Variants in BCAS3 observed in about 807,000 individuals in gnomAD.
BCAS3 encodes BCAS3 microtubule associated cell migration factor.
Under a neutral mutation model 116.1 loss-of-function variants are expected in BCAS3, and 53 were observed. The observed-to-expected ratio is 0.46, with a 90% CI of 0.37 to 0.57. The LOEUF is 0.57. BCAS3 is among the 20% of genes least tolerant of loss of function. The pLI is 0.00. For synonymous variants in BCAS3, 391 were observed against 408.2 expected (o/e 0.96, Z 0.51); for missense variants, 917 against 1,165.4 (o/e 0.79, Z 3.10).
At chr17:60,844,639 C>G (rs1489872166) in intron 7 of BCAS3, among the ~76,000 whole-genome samples, 1 of 152,140 alleles carries the variant, frequency 6.6e-6, no homozygotes, top group Non-Finnish European at 1.5e-5. Flanking sequence ...GGGGAGGGCC[C>G]TTGTATCAAG....
At chr17:60,770,225 C>T (rs771456709) in intron 6 of BCAS3, among the ~76,000 whole-genome samples, 2 of 151,846 alleles carry the variant, frequency 1.3e-5, no homozygotes, top group Non-Finnish European at 2.9e-5. Context: ...AAGGGGTTCT[C>T]GTGTAATTAG....
At chr17:60,903,149 T>G (rs536530998) in intron 11 of BCAS3, among the ~76,000 whole-genome samples, 76 of 152,290 alleles carry the variant, frequency 5.0e-4, no homozygotes, top group Middle Eastern at 6.8e-3. Context: ...TTTATGCTGA[T>G]TATAAGGTAT....
In BCAS3 at chr17:60,990,198, A is replaced by G. The variant is rs765747014; in HGVS notation, c.1449A>G (p.Pro483=). The change falls in exon 15 of 24, where the codon CCA becomes CCG. Residue 483 remains proline (P), a synonymous_variant. Transcript: ENST00000407086. The surrounding 1 kb of genome is among the most constrained non-coding windows in gnomAD (Gnocchi z 5.1). ...AAGGAGGTCGCTGTAGCCCTGTTCCAGGTCTATCAAGCAGCCCTTCTGGGT... is the reference window on the plus strand; with the variant it reads ...AAGGAGGTCGCTGTAGCCCTGTTCCGGGTCTATCAAGCAGCCCTTCTGGGT... ...SKQGGRCSPV[P]GLSSSPSGSP... The G allele has an allele frequency of 2.5e-6, 4 of 1,614,054 alleles. No homozygotes were observed. The African/African-American group carries it at 4.0e-5, about 16-fold the overall frequency.
intron 4 of BCAS3, among the ~76,000 whole-genome samples, chr17:60,701,656 C>G (rs180698130): frequency 2.2e-4 from 33 of 152,142 alleles, no homozygotes; most frequent in Admixed American, 1.9e-3. Context: ...TTATCATTTA[C>G]TATAAAATAT....
intron 22 of BCAS3, among the ~76,000 whole-genome samples, chr17:61,299,577 C>T (rs187285920): frequency 3.2e-4 from 48 of 152,014 alleles, no homozygotes; most frequent in South Asian, 6.2e-4. Flanking sequence ...GCGTTCATTG[C>T]CCAAAGAATC....
intron 7 of BCAS3, among the ~76,000 whole-genome samples, chr17:60,853,108 G>C (rs889220889): frequency 6.6e-6 from 1 of 152,172 alleles, no homozygotes; most frequent in Admixed American, 6.5e-5. Flanking sequence ...GTCATTCAGT[G>C]CTAAAAAGAA....
chr17:61,000,962 AAT>A (rs1481460259), intron 15 of BCAS3, among the ~76,000 whole-genome samples: 2 of 152,154 alleles, frequency 1.3e-5, no homozygotes, highest in Non-Finnish European at 2.9e-5. Flanking sequence ...TAGGTTCAAA[AAT>A]ATAGAGTTCA....
chr17:60,713,212 A>C (rs2038142573), intron 5 of BCAS3, among the ~76,000 whole-genome samples: 1 of 152,208 alleles, frequency 6.6e-6, no homozygotes, highest in Admixed American at 6.5e-5. Flanking sequence ...CAAAATGCTC[A>C]GCATGCCAAA....
intron 6 of BCAS3, among the ~76,000 whole-genome samples, chr17:60,805,307 A>G (rs1162408312): frequency 6.6e-6 from 1 of 152,112 alleles, no homozygotes; most frequent in Non-Finnish European, 1.5e-5. Context: ...CCTAGATATC[A>G]TATCAGTTTA....
intron 6 of BCAS3, among the ~76,000 whole-genome samples, chr17:60,773,877 A>C (rs180818693): frequency 2.9e-4 from 44 of 152,248 alleles, no homozygotes; most frequent in African/African-American, 9.6e-4. Flanking sequence ...GAACACCTGC[A>C]CTTAAGTGAT....
intron 22 of BCAS3, among the ~76,000 whole-genome samples, chr17:61,190,253 C>T (rs1303889892): frequency 6.6e-6 from 1 of 152,018 alleles, no homozygotes; most frequent in African/African-American, 2.4e-5. Context: ...TGGCTGGGTG[C>T]GGTGGCTCAC....
intron 22 of BCAS3, among the ~76,000 whole-genome samples, chr17:61,299,659 A>T (rs1254429129): frequency 6.6e-6 from 1 of 152,162 alleles, no homozygotes; most frequent in Non-Finnish European, 1.5e-5. Context: ...CACAGCTATT[A>T]GCCAGAGAGG....
intron 22 of BCAS3, among the ~76,000 whole-genome samples, chr17:61,274,792 G>A (rs1229128556): frequency 6.6e-6 from 1 of 152,138 alleles, no homozygotes; most frequent in Non-Finnish European, 1.5e-5. Flanking sequence ...AATTGGAAGG[G>A]AAGAAGTAAG....
Position 61,324,670 on chromosome 17 carries a change from C to T in BCAS3, c.2426-43657C>T, listed in dbSNP as rs532912425. On this transcript the variant is annotated intron_variant, in intron 22 of 23. Coordinates refer to ENST00000407086, the MANE Select transcript of BCAS3 (RefSeq NM_017679.5). The surrounding 1 kb of genome is among the most constrained non-coding windows in gnomAD (Gnocchi z 4.6). ...ACTAGCTGTTTGACCTTGGCTGAGTCATTTCCTCTCCCTCATCTCATTTGC... is the reference window on the plus strand; with the variant it reads ...ACTAGCTGTTTGACCTTGGCTGAGTTATTTCCTCTCCCTCATCTCATTTGC... Among the ~76,000 whole-genome samples, 27 of 152,276 alleles carry T rather than the reference C, an allele frequency of 1.8e-4. No homozygotes were observed. The highest frequency in any genetic ancestry group is 3.4e-3 in the Middle Eastern group (1 of 294).
chr17:61,242,206 G>A (rs1001026805), intron 22 of BCAS3, among the ~76,000 whole-genome samples: 21 of 151,370 alleles, frequency 1.4e-4, no homozygotes, highest in Non-Finnish European at 2.9e-4. Context: ...AACCTGGAAG[G>A]TGGAGGTTGC....
At position 61,376,960 on chromosome 17, in the gene BCAS3, T is replaced by C. The variant is rs528107787; in HGVS notation, c.2593+8466T>C. Reference sequence around the variant, plus strand: ...CGGTATCTGCCAGTTTCTTCCCCAATAGGCTGGAGAAAAATAAGAGAGACA... The same window carrying C: ...CGGTATCTGCCAGTTTCTTCCCCAACAGGCTGGAGAAAAATAAGAGAGACA... On this transcript the variant is annotated intron_variant, in intron 23 of 23. Transcript: ENST00000407086. This position sits in a 1 kb window ranked among gnomAD's most constrained non-coding sequence, Gnocchi z 4.5. Among the ~76,000 whole-genome samples the C allele has an allele frequency of 1.4e-4, 21 of 152,182 alleles. No individual in the cohort carries two copies. The highest frequency in any genetic ancestry group is 2.6e-4 in the Non-Finnish European group (18 of 68,032).
chr17:60,768,329 G>C (rs995679790), intron 6 of BCAS3, among the ~76,000 whole-genome samples: 2 of 152,154 alleles, frequency 1.3e-5, no homozygotes, highest in Non-Finnish European at 2.9e-5. Context: ...GGCTTGGAAA[G>C]GCAGACCCAC....
chr17:60,895,674 G>A (rs970377193), intron 10 of BCAS3, among the ~76,000 whole-genome samples: 1 of 152,000 alleles, frequency 6.6e-6, no homozygotes, highest in South Asian at 2.1e-4. Flanking sequence ...TGATGTAGGC[G>A]TTTATTGTTG....
rs1325954095 is a variant in BCAS3 at position 61,097,175 on chromosome 17, G to GT, written c.2425+12618dup. Among the ~76,000 whole-genome samples, 2 of 151,848 alleles carry GT rather than the reference G, an allele frequency of 1.3e-5. No homozygotes were observed. ...AGAAGCCTACTCTGTTTCTTTATTT[G>GT]TTTTTTTCTTTTTTCTTTTTTGAGA... On this transcript the variant is annotated intron_variant, in intron 22 of 23. Coordinates refer to ENST00000407086, the MANE Select transcript of BCAS3 (RefSeq NM_017679.5). This position sits in a 1 kb window ranked among gnomAD's most constrained non-coding sequence, Gnocchi z 4.0.
Sources: gnomAD v4.1 joint callset for allele counts (sites outside exome capture counted in the v4.1 genomes callset) on GRCh38, gnomAD v4.1.1 for gene constraint, Gnocchi (gnomAD v3.1) non-coding constraint, MANE v1.5 for transcripts, NCBI Gene and HGNC (gene_info 2026-07-23, HGNC 2026-07-21) for gene names.